NKAIN2: variants seen among roughly 807,000 people sequenced by gnomAD.
NKAIN2 encodes sodium/potassium transporting ATPase interacting 2.
In NKAIN2, 14 loss-of-function variants were observed where a neutral mutation model predicts 32.6. That is an observed-to-expected ratio of 0.43 (90% CI 0.28 to 0.67). The LOEUF (loss-of-function observed/expected upper bound fraction) is 0.67. Ranked by LOEUF, NKAIN2 falls within the 30% of genes least tolerant of loss-of-function variation. The pLI, the probability that NKAIN2 is intolerant of heterozygous loss-of-function variation, is 0.17. For missense variants in NKAIN2, 198 were observed against 258.3 expected (o/e 0.77, Z 1.60); for synonymous variants, 80 against 87.2 (o/e 0.92, Z 0.46).
chr6:124,609,767 A>G (rs148875221), intron 3 of NKAIN2, among the ~76,000 whole-genome samples: 104 of 152,108 alleles, frequency 6.8e-4, no homozygotes, highest in African/African-American at 2.4e-3. Flanking sequence ...TTCAAAATTC[A>G]TCTCCAAAAG....
chr6:124,235,219 G>A (rs561735253), intron 1 of NKAIN2, among the ~76,000 whole-genome samples: 6 of 152,190 alleles, frequency 3.9e-5, no homozygotes, highest in African/African-American at 1.4e-4. Flanking sequence ...AAGTACATTT[G>A]TTTATTCCAT....
intron 3 of NKAIN2, among the ~76,000 whole-genome samples, chr6:124,562,849 G>A (rs1312643047): frequency 6.6e-6 from 1 of 150,766 alleles, no homozygotes. Flanking sequence ...AAATGCCGCT[G>A]TATACTCAAG....
intron 3 of NKAIN2, among the ~76,000 whole-genome samples, chr6:124,411,950 C>A (rs1431147494): frequency 6.6e-6 from 1 of 152,140 alleles, no homozygotes; most frequent in Non-Finnish European, 1.5e-5. Context: ...ATCGCTGATA[C>A]CCTTTCTTCC....
At chr6:123,872,608 A>G in intron 1 of NKAIN2, among the ~76,000 whole-genome samples, 1 of 152,240 alleles carries the variant, frequency 6.6e-6, no homozygotes, top group African/African-American at 2.4e-5. Flanking sequence ...ACATTATTTT[A>G]TAAAAATTAG....
At chr6:124,760,308 C>T (rs900295582) in intron 4 of NKAIN2, among the ~76,000 whole-genome samples, 9 of 151,064 alleles carry the variant, frequency 6.0e-5, no homozygotes, top group African/African-American at 2.2e-4. Flanking sequence ...GAATACTAGG[C>T]TTAGTACCTG....
chr6:124,203,597 A>AGG (rs1228902078), intron 1 of NKAIN2, among the ~76,000 whole-genome samples: 1 of 151,834 alleles, frequency 6.6e-6, no homozygotes, highest in African/African-American at 2.4e-5. Flanking sequence ...AGGGCATTAG[A>AGG]GTGTACAGGT....
chr6:124,341,380 T>G (rs1798106707), intron 2 of NKAIN2, among the ~76,000 whole-genome samples: 6 of 152,088 alleles, frequency 3.9e-5, no homozygotes, highest in Admixed American at 3.9e-4. Context: ...TTTAAACACA[T>G]ATTAAACCAT....
intron 1 of NKAIN2, among the ~76,000 whole-genome samples, chr6:124,229,996 A>T (rs1471543150): frequency 6.6e-6 from 1 of 152,170 alleles, no homozygotes; most frequent in African/African-American, 2.4e-5. Flanking sequence ...GGAGAGGTTG[A>T]ACAGTTTAGA....
intron 1 of NKAIN2, among the ~76,000 whole-genome samples, chr6:124,015,126 C>T (rs1010495324): frequency 5.9e-5 from 9 of 152,158 alleles, no homozygotes; most frequent in Non-Finnish European, 8.8e-5. Flanking sequence ...GTGCTACTGC[C>T]TGTCCAAATA....
At chr6:123,971,202 G>A (rs1778324854) in intron 1 of NKAIN2, among the ~76,000 whole-genome samples, 1 of 152,002 alleles carries the variant, frequency 6.6e-6, no homozygotes, top group Admixed American at 6.6e-5. Flanking sequence ...AGTACTCAGG[G>A]CCAGGTGACA....
At chr6:124,803,578 T>G (rs1780364317) in intron 5 of NKAIN2, among the ~76,000 whole-genome samples, 1 of 152,172 alleles carries the variant, frequency 6.6e-6, no homozygotes, top group Admixed American at 6.5e-5. Context: ...TAACTTATTT[T>G]TTTCTACAGT....
Position 124,766,777 on chromosome 6 carries a change from T to A in NKAIN2, c.475-24562T>A, listed in dbSNP as rs1778532563. Among the ~76,000 whole-genome samples, 6 of 152,220 alleles carry A rather than the reference T, an allele frequency of 3.9e-5. 1 individual carries two copies. The South Asian group carries it at 1.2e-3, about 32-fold the overall frequency. ...GGAGTCTTCTCAATCCAAAGAATTATAACAGAATGAAGAGTTTAAAAATTT... is the reference window on the plus strand; with the variant it reads ...GGAGTCTTCTCAATCCAAAGAATTAAAACAGAATGAAGAGTTTAAAAATTT... On this transcript the variant is annotated intron_variant, in intron 4 of 6. Coordinates refer to ENST00000368417, the MANE Select transcript of NKAIN2 (RefSeq NM_001040214.3).
At chr6:124,780,241 T>C (rs1030921893) in intron 4 of NKAIN2, among the ~76,000 whole-genome samples, 7 of 152,120 alleles carry the variant, frequency 4.6e-5, no homozygotes, top group African/African-American at 1.7e-4. Flanking sequence ...GTAGTAGAAA[T>C]ATTCTTGGTT....
chr6:124,726,302 G>A lies in NKAIN2; in HGVS notation c.475-65037G>A, dbSNP rs1184571810. Among the ~76,000 whole-genome samples, 9 of 152,298 alleles carry A rather than the reference G, an allele frequency of 5.9e-5. No individual in the cohort carries two copies. The East Asian group carries it at 1.7e-3, about 29-fold the overall frequency. Reference sequence around the variant, plus strand: ...AGCAGTAACCTCTGCAGACTTAAATGTCCCTGTCTGACAGCTTTGAAGAGA... The same window carrying A: ...AGCAGTAACCTCTGCAGACTTAAATATCCCTGTCTGACAGCTTTGAAGAGA... On this transcript the variant is annotated intron_variant, in intron 4 of 6. Transcript: ENST00000368417.
Position 124,129,789 on chromosome 6 carries a change from T to C in NKAIN2, c.55-153216T>C, listed in dbSNP as rs539385674. On this transcript the variant is annotated intron_variant, in intron 1 of 6. Coordinates refer to ENST00000368417, the MANE Select transcript of NKAIN2 (RefSeq NM_001040214.3). ...CACGCCACCATGCCCAGCTAAGTTT[T>C]TGTATTTTTAGTAGAAAAGGGATTT... Among the ~76,000 whole-genome samples, 6 of 152,230 alleles carry C rather than the reference T, an allele frequency of 3.9e-5. No individual in the cohort carries two copies. The East Asian group carries it at 1.2e-3, about 30-fold the overall frequency.
intron 4 of NKAIN2, among the ~76,000 whole-genome samples, chr6:124,759,656 C>CACACACACACACACACACACA (rs879444854): frequency 1.5e-5 from 1 of 66,426 alleles, no homozygotes; most frequent in African/African-American, 4.0e-5. Flanking sequence ...CACACACACA[C>CACACACACACACACACACACA]CCCCTATCTC....
rs73551359 is a variant in NKAIN2, at chr6:123,895,636, A to G, written c.54+91382A>G. 2.2e-3 allele frequency among the ~76,000 whole-genome samples: 335 copies of G among 152,326 alleles called. 2 individuals carry two copies. The highest frequency in any genetic ancestry group is 7.7e-3 in the African/African-American group (322 of 41,582). ...AAAGAAGACTGTAACTAGGGTGGGG[A>G]GTTAGCCAGAAGAGATCCTTTGACA... On this transcript the variant is annotated intron_variant, in intron 1 of 6. Transcript: ENST00000368417.
chr6:124,316,091 CT>C (rs568578819), intron 2 of NKAIN2, among the ~76,000 whole-genome samples: 2 of 151,678 alleles, frequency 1.3e-5, no homozygotes, highest in Non-Finnish European at 2.9e-5. Flanking sequence ...CTAGAGTTAA[CT>C]TTTTTTTGTA....
intron 1 of NKAIN2, among the ~76,000 whole-genome samples, chr6:124,238,149 T>G (rs1792876430): frequency 6.7e-6 from 1 of 149,388 alleles, no homozygotes; most frequent in African/African-American, 2.5e-5. Flanking sequence ...TCTGAGGGGG[T>G]AGATGGATAA....
Sources: gnomAD v4.1 joint callset for allele counts (sites outside exome capture counted in the v4.1 genomes callset) on GRCh38, gnomAD v4.1.1 for gene constraint, MANE v1.5 for transcripts, NCBI Gene and HGNC (gene_info 2026-07-23, HGNC 2026-07-21) for gene names.